Variants in OTOGL observed in about 807,000 individuals in gnomAD.
The protein encoded by OTOGL is otogelin like.
A neutral mutation model predicts 318.5 loss-of-function variants in OTOGL; 285 were observed. The ratio of observed to expected loss-of-function variants is 0.89; its 90% confidence interval spans 0.81 to 0.99. The LOEUF is 0.99. Among genes scored for constraint, OTOGL ranks in the 50% least tolerant of loss-of-function variants. The probability of loss-of-function intolerance (pLI) is 0.00; values close to 1 mark genes in which losing one functional copy is unlikely to be tolerated. For missense variants in OTOGL, 2,899 were observed against 2,845.6 expected, an observed-to-expected ratio of 1.02 and a Z score of -0.43; for synonymous variants, 987 against 936.5, an observed-to-expected ratio of 1.05 and a Z score of -0.99.
intron 22 of OTOGL, among the ~76,000 whole-genome samples, chr12:80,268,228 A>G (rs1883148293): frequency 6.6e-6 from 1 of 152,130 alleles, no homozygotes; most frequent in African/African-American, 2.4e-5. Context: ...AACAATAATA[A>G]TCATTTCTAA....
intron 1 of OTOGL, among the ~76,000 whole-genome samples, chr12:80,127,467 CT>C (rs1870927010): frequency 6.6e-6 from 1 of 152,166 alleles, no homozygotes; most frequent in South Asian, 2.1e-4. Flanking sequence ...TCTGGCTGCC[CT>C]TAACATTTTT....
chr12:80,214,785 C>T (rs146753220), intron 4 of OTOGL, among the ~76,000 whole-genome samples: 8 of 152,206 alleles, frequency 5.3e-5, no homozygotes, highest in African/African-American at 9.6e-5. Flanking sequence ...CATTTCTGTG[C>T]AATTGGTTCA....
chr12:80,249,327 A>G (rs550823828), intron 11 of OTOGL, among the ~76,000 whole-genome samples: 7,365 of 150,074 alleles, frequency 0.049, 660 homozygotes, highest in African/African-American at 0.18. Context: ...TGATGGTGAT[A>G]TACAGATGGG....
chr12:80,188,422 C>T (rs1371581562), intron 1 of OTOGL, among the ~76,000 whole-genome samples: 31 of 151,724 alleles, frequency 2.0e-4, no homozygotes, highest in Non-Finnish European at 7.4e-5. Context: ...CCTGTAATCC[C>T]AGCTACTCAG....
At position 80,108,850 on chromosome 12, in the gene OTOGL, A is replaced by ATATATATATGTGTATATATATGTG. The variant is rs1448900331; in HGVS notation, c.-20+9252_-20+9253insATGTGTATATATATGTGTATATAT. Among the ~76,000 whole-genome samples, 262 of 140,738 alleles carry ATATATATATGTGTATATATATGTG rather than the reference A, an allele frequency of 1.9e-3. 6 individuals are homozygous for ATATATATATGTGTATATATATGTG. The highest frequency in any genetic ancestry group is 3.3e-3 in the Non-Finnish European group (215 of 65,370). 92.3% of individuals were successfully genotyped at this position (140,738 alleles called of 152,430 possible). On this transcript the variant is annotated intron_variant, in intron 1 of 58. Coordinates refer to ENST00000547103, the MANE Select transcript of OTOGL (RefSeq NM_001378609.3). ...GTATATATATTGTATATATATGTGT[A>ATATATATATGTGTATATATATGTG]TATATATGTGTATATATATGTGTAT...
intron 7 of OTOGL, among the ~76,000 whole-genome samples, chr12:80,228,724 T>C (rs945963613): frequency 2.0e-5 from 3 of 151,762 alleles, no homozygotes; most frequent in African/African-American, 7.3e-5. Context: ...CTTTCATTCT[T>C]TTTTTTTAAA....
chr12:80,128,910 G>A (rs1462281227), intron 1 of OTOGL, among the ~76,000 whole-genome samples: 1 of 152,194 alleles, frequency 6.6e-6, no homozygotes. Flanking sequence ...TAGGGTGGGA[G>A]TGACCTGATT....
chr12:80,323,576 G>A (rs1887484722), intron 34 of OTOGL, 147 bp from the exon 35 acceptor site: 1 of 609,460 alleles, frequency 1.6e-6, no homozygotes, highest in African/African-American at 1.8e-5. Flanking sequence ...TTGAACCCAG[G>A]AGGCAGAGGT....
chr12:80,249,318 G>A lies in OTOGL; in HGVS notation c.1053-2375G>A, dbSNP rs1171905389. Among the ~76,000 whole-genome samples, 6 of 151,398 alleles carry A rather than the reference G, an allele frequency of 4.0e-5. No homozygotes were observed. In the South Asian group the frequency reaches 1.2e-3, roughly 31 times the overall value. On this transcript the variant is annotated intron_variant, in intron 11 of 58. Coordinates refer to ENST00000547103, the MANE Select transcript of OTOGL (RefSeq NM_001378609.3). ...GTTTTATCTACTTTTGGTCTTTGATGATGGTGATATACAGATGGGTTTTCG... is the reference window on the plus strand; with the variant it reads ...GTTTTATCTACTTTTGGTCTTTGATAATGGTGATATACAGATGGGTTTTCG...
chr12:80,357,118 C>A (rs1287415077), intron 49 of OTOGL, among the ~76,000 whole-genome samples: 1 of 152,144 alleles, frequency 6.6e-6, no homozygotes, highest in Non-Finnish European at 1.5e-5. Flanking sequence ...TCAACAAAAA[C>A]TACATACATC....
At chr12:80,322,499 C>T (rs1027958186) in intron 34 of OTOGL, among the ~76,000 whole-genome samples, 1 of 152,148 alleles carries the variant, frequency 6.6e-6, no homozygotes, top group Non-Finnish European at 1.5e-5. Context: ...AACTCAAGTT[C>T]AGCAATTACT....
chr12:80,303,713 A>AGG (rs145532678), intron 28 of OTOGL, among the ~76,000 whole-genome samples: 4,371 of 152,222 alleles, frequency 0.029, 213 homozygotes, highest in African/African-American at 0.1. Flanking sequence ...AGAAAGAATG[A>AGG]GGGGGAAATG....
Position 80,296,929 on chromosome 12 carries a change from GA to G in OTOGL, c.3034del (p.Ile1012PhefsTer3). 1 of 1,552,424 alleles carries G rather than the reference GA, an allele frequency of 6.4e-7. No individual in the cohort carries two copies. Among genetic ancestry groups the G allele is most frequent in the Non-Finnish European group, 8.7e-7 (1 of 1,151,810 alleles). On this transcript the variant is annotated frameshift_variant, in exon 27 of 59. Coordinates refer to ENST00000547103, the MANE Select transcript of OTOGL (RefSeq NM_001378609.3). LOFTEE classifies it high-confidence loss of function. The stretch of plus-strand genomic sequence containing the variant: ...TGTTTTGATTTCAGTTGGGGACACT[GA>G]AATTTACCTGAATGATACTCCTTAC... ...KSVLISVGDT[E>X]IYLNDTPYKQ...
At chr12:80,268,902 A>C (rs1269613770) in intron 22 of OTOGL, among the ~76,000 whole-genome samples, 1 of 124,610 alleles carries the variant, frequency 8.0e-6, no homozygotes. Flanking sequence ...TAAACTTAGC[A>C]AAAAAAAAAA....
chr12:80,137,560 CT>C (rs1299869514), intron 1 of OTOGL, among the ~76,000 whole-genome samples: 2 of 152,090 alleles, frequency 1.3e-5, no homozygotes, highest in Non-Finnish European at 2.9e-5. Context: ...CCTTAACATG[CT>C]TTCAAAACAA....
At position 80,279,028 on chromosome 12, in the gene OTOGL, C is replaced by G. The variant is rs767258134; in HGVS notation, c.2790C>G (p.Cys930Trp). The G allele has an allele frequency of 6.5e-7, 1 of 1,532,810 alleles. No individual in the cohort carries two copies. The highest frequency in any genetic ancestry group is 2.5e-5 in the East Asian group (1 of 40,716). 95.0% of individuals were successfully genotyped at this position (1,532,810 alleles called of 1,614,324 possible). The change falls in exon 26 of 59, where the codon TGC (cysteine) becomes TGG (tryptophan). Residue 930 changes from cysteine to tryptophan, a missense_variant and splice_region_variant. Coordinates refer to ENST00000547103, the MANE Select transcript of OTOGL (RefSeq NM_001378609.3). ...GEVIATPCYTCVCRRGMFNCT... is the reference protein window; with the variant it reads ...GEVIATPCYTWVCRRGMFNCT... ...GGTAACTTTTGTTATTTTTTAATAG[C>G]GTTTGTCGACGAGGAATGTTCAATT...
chr12:80,333,639 C>T lies in OTOGL; in HGVS notation c.4422+561C>T, dbSNP rs188005069. On this transcript the variant is annotated intron_variant, in intron 38 of 58. Transcript: ENST00000547103. Reference sequence around the variant, plus strand: ...AATATTTCTGCCTTTCCAGAGTTTACGTTCTATTGGAGTTTCTGAGATAGC... The same window carrying T: ...AATATTTCTGCCTTTCCAGAGTTTATGTTCTATTGGAGTTTCTGAGATAGC... 5.9e-5 allele frequency among the ~76,000 whole-genome samples: 9 copies of T among 152,064 alleles called. No individual in the cohort carries two copies. The East Asian group carries it at 1.2e-3, about 20-fold the overall frequency.
chr12:80,374,941 A>T (rs1012546331), intron 57 of OTOGL, among the ~76,000 whole-genome samples: 5 of 152,168 alleles, frequency 3.3e-5, no homozygotes, highest in African/African-American at 4.8e-5. Flanking sequence ...TACAGATGAG[A>T]AATAGAAGGT....
rs780285450 is a variant in OTOGL, at chr12:80,255,125, C to T, written c.1527C>T (p.Leu509=). The change falls in exon 16 of 59, where the codon CTC becomes CTT. Residue 509 remains leucine, a synonymous_variant. Transcript: ENST00000547103. ...YSFIGMCQYI[L]VKGTGKDKFT... is the part of the protein sequence containing the mutation. ...TTATTGGCATGTGCCAATACATCCT[C>T]GTGAAAGGAACTGGAAAAGATAAAT... The T allele has an allele frequency of 1.4e-5, 22 of 1,526,778 alleles. No individual in the cohort carries two copies. Among genetic ancestry groups the T allele is most frequent in the Middle Eastern group, 1.7e-4 (1 of 5,858 alleles). 94.6% of individuals were successfully genotyped at this position (1,526,778 alleles called of 1,614,324 possible).
Sources: allele counts gnomAD v4.1 joint callset (sites outside exome capture counted in the v4.1 genomes callset), GRCh38; gene constraint gnomAD v4.1.1; transcripts MANE v1.5; gene names NCBI Gene and HGNC (gene_info 2026-07-23, HGNC 2026-07-21).